Variants in PLCH1 observed in about 807,000 individuals in gnomAD.
PLCH1 encodes the protein phospholipase C eta 1.
Under a neutral mutation model 126.7 loss-of-function variants are expected in PLCH1, and 60 were observed. The ratio of observed to expected loss-of-function variants is 0.47; its 90% confidence interval spans 0.38 to 0.59. The LOEUF is 0.59. Among genes scored for constraint, PLCH1 ranks in the 20% least tolerant of loss-of-function variants. PLCH1 has a pLI of 0.00. For synonymous variants in PLCH1, 719 were observed against 734.9 expected, an observed-to-expected ratio of 0.98 and a Z score of 0.35; for missense variants, 1,723 against 2,040.0, an observed-to-expected ratio of 0.84 and a Z score of 2.99.
chr3:155,483,435 T>C, intron 22 of PLCH1: 2 of 1,234,748 alleles, frequency 1.6e-6, no homozygotes, highest in South Asian at 1.5e-5. Context: ...CAAAGCATTG[T>C]GGTACCTGTA....
At chr3:155,715,396 G>A (rs1033884952) in intron 1 of PLCH1, among the ~76,000 whole-genome samples, 1 of 152,028 alleles carries the variant, frequency 6.6e-6, no homozygotes, top group Non-Finnish European at 1.5e-5. Context: ...CTGCCTCCCA[G>A]GGTCAAGCAA....
At chr3:155,501,937 G>A (rs979072329) in intron 13 of PLCH1, among the ~76,000 whole-genome samples, 1 of 152,198 alleles carries the variant, frequency 6.6e-6, no homozygotes, top group African/African-American at 2.4e-5. Flanking sequence ...ATGTGGCTTA[G>A]AAAGGGAAAG....
intron 10 of PLCH1, among the ~76,000 whole-genome samples, chr3:155,531,070 T>C (rs520406): frequency 0.91 from 139,183 of 152,250 alleles, 64,251 homozygotes; most frequent in Middle Eastern, 0.98. Flanking sequence ...CAGTAAACCA[T>C]GCTGTAAAAA....
Position 155,525,945 on chromosome 3 carries a change from CA to C in PLCH1, c.1363-1942del, listed in dbSNP as rs559342120. Among the ~76,000 whole-genome samples, 71 of 152,188 alleles carry C rather than the reference CA, an allele frequency of 4.7e-4. 2 individuals are homozygous for C. In the South Asian group the frequency reaches 0.015, roughly 32 times the overall value. Reference sequence around the variant, plus strand: ...TTTCCTGCATTTCCCAAATTATATTCAAAAACAGTAAATGTAAACTAAAAAG... The same window carrying C: ...TTTCCTGCATTTCCCAAATTATATTCAAAACAGTAAATGTAAACTAAAAAG... On this transcript the variant is annotated intron_variant, in intron 10 of 22. Coordinates refer to ENST00000460012, the MANE Select transcript of PLCH1 (RefSeq NM_014996.4).
chr3:155,724,673 AGTTT>A (rs1167650157), intron 1 of PLCH1, among the ~76,000 whole-genome samples: 1 of 152,000 alleles, frequency 6.6e-6, no homozygotes, highest in Non-Finnish European at 1.5e-5. Context: ...GGGGATAGTT[AGTTT>A]GTGAATTCTT....
chr3:155,742,378 G>A (rs1749699068), intron 1 of PLCH1: 1 of 152,174 alleles, frequency 6.6e-6, no homozygotes, highest in Non-Finnish European at 1.5e-5. Flanking sequence ...AGTTGATGAT[G>A]TGGGAAAATA....
chr3:155,452,463 G>A (rs1222363167), intron 21 of PLCH1, among the ~76,000 whole-genome samples: 1 of 152,136 alleles, frequency 6.6e-6, no homozygotes, highest in Non-Finnish European at 1.5e-5. Flanking sequence ...TTTGTTATCA[G>A]GAGTAATTGG....
At chr3:155,735,903 G>A (rs923849963) in intron 1 of PLCH1, among the ~76,000 whole-genome samples, 8 of 152,076 alleles carry the variant, frequency 5.3e-5, no homozygotes, top group Non-Finnish European at 8.8e-5. Flanking sequence ...TCTACGGGAG[G>A]AAAAACTGAA....
chr3:155,675,679 A>C (rs1744012754), intron 2 of PLCH1, among the ~76,000 whole-genome samples: 1 of 152,196 alleles, frequency 6.6e-6, no homozygotes, highest in Non-Finnish European at 1.5e-5. Context: ...GACAAATGAA[A>C]TTTTTAGGCA....
rs574925301 is a variant in PLCH1, at chr3:155,700,852, TA to T, written c.79+3293del. 3.8e-3 allele frequency among the ~76,000 whole-genome samples: 576 copies of T among 152,292 alleles called. 1 individual carries two copies. Among genetic ancestry groups the T allele is most frequent in the Admixed American group, 7.0e-3 (107 of 15,296 alleles). ...GATAAATCATGAAGGTATAAGCCAT[TA>T]AGACAGGGTTCATACCGCACCAAAC... On this transcript the variant is annotated intron_variant, in intron 2 of 22. Transcript: ENST00000460012.
At chr3:155,712,271 T>C (rs1747177057) in intron 1 of PLCH1, among the ~76,000 whole-genome samples, 1 of 152,222 alleles carries the variant, frequency 6.6e-6, no homozygotes, top group African/African-American at 2.4e-5. Flanking sequence ...ATATTTTCTT[T>C]CTTGGGCTTT....
rs1263501111 is a variant in PLCH1, at chr3:155,480,242, T to C, written c.*726A>G. ...AAAATTCAAAAGTACAACAGGTAGT[T>C]TGGCAACTCGCTTCTTGTTACATAC... On this transcript the variant is annotated 3_prime_UTR_variant, in exon 23 of 23. Transcript: ENST00000460012. 1.3e-5 allele frequency: 2 copies of C among 152,632 alleles called. No individual in the cohort carries two copies. The highest frequency in any genetic ancestry group is 4.8e-5 in the African/African-American group (2 of 41,454). The allele number at this position is 152,632 out of a possible 1,614,324, so 9.5% of individuals were successfully genotyped here.
chr3:155,503,980 G>C (rs1560080322), intron 13 of PLCH1, among the ~76,000 whole-genome samples: 1 of 152,226 alleles, frequency 6.6e-6, no homozygotes, highest in Non-Finnish European at 1.5e-5. Flanking sequence ...GAATTCAACT[G>C]CTTCATCCTC....
intron 2 of PLCH1, among the ~76,000 whole-genome samples, chr3:155,623,382 A>G (rs1385708001): frequency 6.6e-6 from 1 of 152,196 alleles, no homozygotes; most frequent in Non-Finnish European, 1.5e-5. Flanking sequence ...AAAAGCTAGC[A>G]GAAGACAAGA....
intron 8 of PLCH1, among the ~76,000 whole-genome samples, chr3:155,562,156 T>G (rs1477969148): frequency 6.6e-6 from 1 of 152,218 alleles, no homozygotes; most frequent in African/African-American, 2.4e-5. Context: ...CTTTGTAAAT[T>G]AAAACACCAT....
chr3:155,494,656 G>A (rs1672524633), intron 15 of PLCH1, 139 bp from the exon 16 acceptor site: 3 of 670,378 alleles, frequency 4.5e-6, no homozygotes, highest in Non-Finnish European at 7.5e-6. Context: ...CCAGAGTAGA[G>A]GCAGCTCCTC....
At chr3:155,521,951 C>T (rs1397327449) in intron 11 of PLCH1, among the ~76,000 whole-genome samples, 1 of 152,170 alleles carries the variant, frequency 6.6e-6, no homozygotes, top group Non-Finnish European at 1.5e-5. Flanking sequence ...CAAACCATCT[C>T]CTGATGTGGG....
At position 155,724,883 on chromosome 3, in the gene PLCH1, T is replaced by C. The variant is rs56402298; in HGVS notation, c.-41+19957A>G. Reference sequence around the variant, plus strand: ...TGTTATATATGTCCTGTGAGATTTATGCTTTAAGAAGGTTCTGTTTTGCTG... The same window carrying C: ...TGTTATATATGTCCTGTGAGATTTACGCTTTAAGAAGGTTCTGTTTTGCTG... On this transcript the variant is annotated intron_variant, in intron 1 of 22. Coordinates refer to ENST00000460012, the MANE Select transcript of PLCH1 (RefSeq NM_014996.4). Among the ~76,000 whole-genome samples the C allele has an allele frequency of 5.2e-3, 781 of 150,818 alleles. 9 individuals are homozygous for C. The highest frequency in any genetic ancestry group is 0.018 in the African/African-American group (748 of 40,830).
intron 2 of PLCH1, among the ~76,000 whole-genome samples, chr3:155,642,426 T>C (rs920209039): frequency 6.6e-6 from 1 of 152,234 alleles, no homozygotes; most frequent in African/African-American, 2.4e-5. Flanking sequence ...TTGTTAATTT[T>C]ATGGGTCAAC....
Sources: gnomAD v4.1 joint callset for allele counts (sites outside exome capture counted in the v4.1 genomes callset) on GRCh38, gnomAD v4.1.1 for gene constraint, MANE v1.5 for transcripts, NCBI Gene and HGNC (gene_info 2026-07-23, HGNC 2026-07-21) for gene names.